The following DENND2A variants were observed in gnomAD, a reference collection of about 807,000 sequenced individuals.
The protein encoded by DENND2A is DENN domain-containing protein 2A.
A neutral mutation model predicts 105.3 loss-of-function variants in DENND2A; 53 were observed. The observed-to-expected ratio is 0.50, with a 90% CI of 0.40 to 0.63. DENND2A has a LOEUF of 0.63. Ranked by LOEUF, DENND2A falls within the 30% of genes least tolerant of loss-of-function variation. DENND2A has a pLI of 0.00. For missense variants in DENND2A, 1,138 were observed against 1,279.6 expected (o/e 0.89, Z 1.69); for synonymous variants, 522 against 508.4 (o/e 1.03, Z -0.36).
chr7:140,551,067 G>A lies in DENND2A; in HGVS notation c.2038-4128C>T, dbSNP rs560554848. On this transcript the variant is annotated intron_variant, in intron 12 of 19. Transcript: ENST00000496613. ...TGTAATCCCAGCACTTTGGGATGCC[G>A]AGGCAAGCAGATCACCTGAGGTCAA... Among the ~76,000 whole-genome samples the A allele has an allele frequency of 2.9e-4, 44 of 151,684 alleles. 1 individual carries two copies. Among genetic ancestry groups the A allele is most frequent in the African/African-American group, 8.2e-4 (34 of 41,420 alleles).
At chr7:140,546,746 G>A (rs1796926007) in intron 13 of DENND2A, 53 bp downstream of exon 13, 14 of 1,601,672 alleles carry the variant, frequency 8.7e-6, no homozygotes, top group East Asian at 2.2e-5. Flanking sequence ...ACGGAGACTC[G>A]GCTGTCTGGG....
intron 3 of DENND2A, among the ~76,000 whole-genome samples, chr7:140,590,279 A>G (rs1414369106): frequency 6.6e-6 from 1 of 152,004 alleles, no homozygotes; most frequent in Non-Finnish European, 1.5e-5. Context: ...AATCTCAGCT[A>G]CTCGGGAGGC....
rs1372121069 is a variant in DENND2A at position 140,559,820 on chromosome 7, G to T, written c.1780-3C>A. ...ATGAACTTGAAAGACCTTTCCAACT[G>T]CAGGGAGAAAGGTGAGAGAAAATTC... On this transcript the variant is annotated splice_region_variant and splice_polypyrimidine_tract_variant and intron_variant, in intron 9 of 19. Transcript: ENST00000496613. The surrounding 1 kb of genome is among the most constrained non-coding windows in gnomAD (Gnocchi z 4.1). 7 of 1,607,954 alleles carry T rather than the reference G, an allele frequency of 4.4e-6. No homozygotes were observed. In the South Asian group the frequency reaches 7.7e-5, roughly 18 times the overall value.
rs1316119383 is a variant in DENND2A, at chr7:140,602,307, G to A, written c.91C>T (p.Pro31Ser). 2 of 1,606,762 alleles carry A rather than the reference G, an allele frequency of 1.2e-6. No homozygotes were observed. Among genetic ancestry groups the A allele is most frequent in the African/African-American group, 2.7e-5 (2 of 74,922 alleles). ...GKKQLRGVQN[P>S]CPSARARPRH... is the part of the protein sequence containing the mutation. The stretch of plus-strand genomic sequence containing the variant: ...GGTCTGGCTCTGGCAGATGGGCAAG[G>A]GTTCTGAACACCTCTGAGCTGCTTC... The change falls in exon 3 of 20, where the codon CCT becomes TCT. Residue 31 changes from proline to serine, a missense_variant. By Grantham distance (74) the Pro-to-Ser change is moderately conservative (BLOSUM62 -1). This residue lies in a region of DENND2A where 511 missense variants were observed against 499.9 expected (regional missense o/e 1.02). Transcript: ENST00000496613.
intron 9 of DENND2A, among the ~76,000 whole-genome samples, chr7:140,561,669 A>ATTTTTT (rs1242616480): frequency 1.1e-5 from 1 of 94,414 alleles, no homozygotes; most frequent in Non-Finnish European, 2.4e-5. Context: ...ACACCTAGCT[A>ATTTTTT]TTTTTTTTTT....
At chr7:140,550,107 G>A (rs1200063948) in intron 12 of DENND2A, among the ~76,000 whole-genome samples, 1 of 125,030 alleles carries the variant, frequency 8.0e-6, no homozygotes, top group African/African-American at 2.7e-5. Context: ...AATGGCGATG[G>A]TGAGGGGTTA....
intron 10 of DENND2A, among the ~76,000 whole-genome samples, chr7:140,558,439 T>A (rs1205429654): frequency 1.3e-5 from 2 of 152,112 alleles, no homozygotes; most frequent in African/African-American, 4.8e-5. Flanking sequence ...CTCATGCCTG[T>A]AATCCCAGCC....
At chr7:140,564,017 T>C (rs1038668993) in intron 9 of DENND2A, among the ~76,000 whole-genome samples, 1 of 152,068 alleles carries the variant, frequency 6.6e-6, no homozygotes, top group Non-Finnish European at 1.5e-5. Context: ...GCATAGTGGC[T>C]CATGCCTGTA....
Position 140,537,896 on chromosome 7 carries a change from C to A in DENND2A, c.2327+6722G>T, listed in dbSNP as rs112404859. Among the ~76,000 whole-genome samples, 1,145 of 152,212 alleles carry A rather than the reference C, an allele frequency of 7.5e-3. 19 individuals are homozygous for A. The highest frequency in any genetic ancestry group is 0.026 in the African/African-American group (1,079 of 41,506). Reference sequence around the variant, plus strand: ...TAGGTTTAGCCAAAACTTTGGGGAACTGAAATTAGTAAAGTAAAAAACAAA... The same window carrying A: ...TAGGTTTAGCCAAAACTTTGGGGAAATGAAATTAGTAAAGTAAAAAACAAA... On this transcript the variant is annotated intron_variant, in intron 14 of 19. Transcript: ENST00000496613.
chr7:140,580,805 T>G (rs527942498), intron 5 of DENND2A, among the ~76,000 whole-genome samples: 2 of 151,710 alleles, frequency 1.3e-5, no homozygotes, highest in African/African-American at 4.8e-5. Flanking sequence ...CCTGGCTAAT[T>G]TTTGCATTTT....
At chr7:140,634,021 CAG>C (rs1222895940) in intron 1 of DENND2A, among the ~76,000 whole-genome samples, 2 of 146,442 alleles carry the variant, frequency 1.4e-5, no homozygotes, top group Admixed American at 6.9e-5. Context: ...TTTTCCGAGA[CAG>C]AGTCTCGCTC....
intron 8 of DENND2A, 50 bp downstream of exon 8, chr7:140,568,713 C>A: frequency 1.2e-6 from 2 of 1,603,100 alleles, no homozygotes; most frequent in South Asian, 2.2e-5. Flanking sequence ...GCCACCTTTG[C>A]AGCTTCCAAG....
intron 13 of DENND2A, among the ~76,000 whole-genome samples, chr7:140,545,788 G>A (rs1796872405): frequency 6.6e-6 from 1 of 152,154 alleles, no homozygotes; most frequent in African/African-American, 2.4e-5. Flanking sequence ...AGCAGAGAGT[G>A]GATTTCACTC....
intron 1 of DENND2A, among the ~76,000 whole-genome samples, chr7:140,629,775 T>TGAACAAG (rs1800667101): frequency 6.6e-6 from 1 of 151,848 alleles, no homozygotes; most frequent in Non-Finnish European, 1.5e-5. Flanking sequence ...GAGAAGGTAG[T>TGAACAAG]GAACAAGTGA....
At chr7:140,561,539 G>A (rs1260980081) in intron 9 of DENND2A, among the ~76,000 whole-genome samples, 4 of 121,336 alleles carry the variant, frequency 3.3e-5, no homozygotes, top group Non-Finnish European at 4.8e-5. Context: ...TCACTATGTC[G>A]CCCAGGCTGG....
At chr7:140,521,120 C>T (rs1795844753) in intron 18 of DENND2A, among the ~76,000 whole-genome samples, 1 of 152,150 alleles carries the variant, frequency 6.6e-6, no homozygotes, top group South Asian at 2.1e-4. Flanking sequence ...AGGTGATCCG[C>T]CTGCCTTGGC....
At chr7:140,584,502 T>G (rs1585690598) in intron 5 of DENND2A, among the ~76,000 whole-genome samples, 1 of 152,164 alleles carries the variant, frequency 6.6e-6, no homozygotes, top group East Asian at 1.9e-4. Flanking sequence ...TATGGGAGAT[T>G]AGGGGTAATG....
chr7:140,539,176 C>T (rs1213050142), intron 14 of DENND2A, among the ~76,000 whole-genome samples: 1 of 152,214 alleles, frequency 6.6e-6, no homozygotes, highest in Non-Finnish European at 1.5e-5. Context: ...AACCATTGGT[C>T]CCCAAACCCT....
chr7:140,544,929 A>C, intron 13 of DENND2A, 163 bp from the exon 14 acceptor site: 9 of 901,704 alleles, frequency 1.0e-5, no homozygotes, highest in Non-Finnish European at 1.2e-5. Flanking sequence ...GGGGAAAAGA[A>C]AGATGCCAGA....
Sources: gnomAD v4.1 joint callset for allele counts (sites outside exome capture counted in the v4.1 genomes callset) on GRCh38, gnomAD v4.1.1 for gene constraint, gnomAD v4.1.1 regional missense constraint, Gnocchi (gnomAD v3.1) non-coding constraint, MANE v1.5 for transcripts, NCBI Gene and HGNC (gene_info 2026-07-23, HGNC 2026-07-21) for gene names.